The following CCDC148 variants were observed in gnomAD, a reference collection of about 807,000 sequenced individuals.
The protein encoded by CCDC148 is coiled-coil domain-containing protein 148.
A neutral mutation model predicts 85.7 loss-of-function variants in CCDC148; 89 were observed. The observed-to-expected ratio is 1.04, with a 90% confidence interval of 0.87 to 1.24. The LOEUF (loss-of-function observed/expected upper bound fraction) is 1.24. CCDC148 is among the 50% of genes most tolerant of loss of function. The pLI is 0.00. For synonymous variants in CCDC148, 230 were observed against 213.9 expected, an observed-to-expected ratio of 1.08 and a Z score of -0.66; for missense variants, 692 against 671.7, an observed-to-expected ratio of 1.03 and a Z score of -0.33.
chr2:158,432,856 CT>C (rs1687417856), intron 1 of CCDC148, among the ~76,000 whole-genome samples: 1 of 150,714 alleles, frequency 6.6e-6, no homozygotes, highest in South Asian at 2.1e-4. Context: ...GGCAGATCAC[CT>C]GAGGTTAGGA....
chr2:158,410,380 A>C (rs1215847790), intron 1 of CCDC148, among the ~76,000 whole-genome samples: 1 of 152,024 alleles, frequency 6.6e-6, no homozygotes, highest in African/African-American at 2.4e-5. Flanking sequence ...AGAACTTCTT[A>C]TTGTCATTTT....
chr2:158,330,272 G>T (rs35037484), intron 7 of CCDC148, among the ~76,000 whole-genome samples: 25,569 of 151,996 alleles, frequency 0.17, 3,464 homozygotes, highest in African/African-American at 0.38. Flanking sequence ...TAATCATATG[G>T]TTTTTGTCTT....
chr2:158,375,895 G>T (rs1035976473), intron 1 of CCDC148, among the ~76,000 whole-genome samples: 1 of 152,130 alleles, frequency 6.6e-6, no homozygotes, highest in Admixed American at 6.6e-5. Context: ...GGGAGCCTGG[G>T]ATGTTGTTAT....
intron 10 of CCDC148, among the ~76,000 whole-genome samples, chr2:158,226,736 C>T (rs922884903): frequency 3.4e-4 from 52 of 152,220 alleles, no homozygotes; most frequent in African/African-American, 1.2e-3. Flanking sequence ...GCAGAAAAGG[C>T]CTTTGACAAA....
chr2:158,198,540 C>T (rs927727994), intron 11 of CCDC148, among the ~76,000 whole-genome samples: 14 of 152,108 alleles, frequency 9.2e-5, no homozygotes, highest in Non-Finnish European at 1.9e-4. Flanking sequence ...TTCCCAAATG[C>T]GAATTCATGA....
At chr2:158,282,303 A>C (rs1237410810) in intron 9 of CCDC148, among the ~76,000 whole-genome samples, 1 of 152,180 alleles carries the variant, frequency 6.6e-6, no homozygotes, top group Non-Finnish European at 1.5e-5. Context: ...GAAGGAAATA[A>C]AGGGTATTCA....
intron 13 of CCDC148, among the ~76,000 whole-genome samples, chr2:158,173,638 C>A (rs1054257031): frequency 3.9e-5 from 6 of 151,956 alleles, no homozygotes; most frequent in African/African-American, 1.4e-4. Context: ...TAGCACTTGG[C>A]AGTTGATCAG....
intron 11 of CCDC148, among the ~76,000 whole-genome samples, chr2:158,216,386 C>CTTTTTTTT (rs397697591): frequency 1.7e-5 from 1 of 59,434 alleles, no homozygotes; most frequent in African/African-American, 7.2e-5. Context: ...AAGCACAATA[C>CTTTTTTTT]TTTTTTTTTT....
At chr2:158,222,892 G>A (rs893091943) in intron 10 of CCDC148, among the ~76,000 whole-genome samples, 1 of 152,184 alleles carries the variant, frequency 6.6e-6, no homozygotes, top group Admixed American at 6.5e-5. Flanking sequence ...CAGGGTGAGC[G>A]AGGCAGAAGA....
intron 10 of CCDC148, among the ~76,000 whole-genome samples, chr2:158,230,209 G>A (rs60365576): frequency 0.041 from 6,218 of 152,236 alleles, 399 homozygotes; most frequent in African/African-American, 0.14. Flanking sequence ...TTGTGGAACT[G>A]AGACTTTCTA....
At chr2:158,262,421 C>A (rs906516834) in intron 9 of CCDC148, among the ~76,000 whole-genome samples, 1 of 151,820 alleles carries the variant, frequency 6.6e-6, no homozygotes, top group African/African-American at 2.4e-5. Flanking sequence ...TGGCTTAATA[C>A]CTGGGTGATG....
At chr2:158,187,771 A>G (rs1184097747) in intron 11 of CCDC148, among the ~76,000 whole-genome samples, 1 of 152,024 alleles carries the variant, frequency 6.6e-6, no homozygotes, top group Non-Finnish European at 1.5e-5. Flanking sequence ...TCTCAATTTA[A>G]AAACTACTTC....
intron 9 of CCDC148, among the ~76,000 whole-genome samples, chr2:158,269,388 T>C (rs1052692251): frequency 4.6e-5 from 7 of 152,182 alleles, no homozygotes; most frequent in Admixed American, 4.6e-4. Context: ...CAGCTGCTCA[T>C]AGGTAGGACC....
At chr2:158,328,512 C>T (rs6724391) in intron 7 of CCDC148, among the ~76,000 whole-genome samples, 6 of 151,774 alleles carry the variant, frequency 4.0e-5, no homozygotes, top group Non-Finnish European at 8.8e-5. Context: ...GATTTATAAT[C>T]CTTTGGGTAT....
At chr2:158,183,984 C>T (rs1405196559) in intron 11 of CCDC148, among the ~76,000 whole-genome samples, 2 of 152,050 alleles carry the variant, frequency 1.3e-5, no homozygotes, top group Non-Finnish European at 2.9e-5. Flanking sequence ...GGTGCCAACA[C>T]GTTTCAAGTG....
intron 10 of CCDC148, among the ~76,000 whole-genome samples, chr2:158,236,944 GA>G (rs1318363690): frequency 2.0e-5 from 3 of 152,052 alleles, no homozygotes; most frequent in Admixed American, 1.3e-4. Context: ...AAGTGCTAAG[GA>G]AAAAATGAAG....
intron 9 of CCDC148, among the ~76,000 whole-genome samples, chr2:158,274,669 G>A (rs1169831712): frequency 6.6e-6 from 1 of 152,158 alleles, no homozygotes; most frequent in Non-Finnish European, 1.5e-5. Context: ...TACAAAAAGG[G>A]AGCATTGGGT....
chr2:158,342,021 C>CT (rs71404402), intron 3 of CCDC148, among the ~76,000 whole-genome samples: 1,363 of 85,590 alleles, frequency 0.016, 134 homozygotes, highest in African/African-American at 0.032. Context: ...TCATTATTTT[C>CT]TTTTCTTTTT....
At chr2:158,331,957 T>C (rs1266635905) in intron 7 of CCDC148, among the ~76,000 whole-genome samples, 2 of 152,196 alleles carry the variant, frequency 1.3e-5, no homozygotes, top group Non-Finnish European at 2.9e-5. Flanking sequence ...TGACTCTTTA[T>C]CCAATTTGCC....
Sources: gnomAD v4.1 joint callset for allele counts (sites outside exome capture counted in the v4.1 genomes callset) on GRCh38, gnomAD v4.1.1 for gene constraint, MANE v1.5 for transcripts, NCBI Gene and HGNC (gene_info 2026-07-23, HGNC 2026-07-21) for gene names.